Variants in CMSS1 observed in about 807,000 individuals in gnomAD.
The protein encoded by CMSS1 is cms1 ribosomal small subunit homolog.
In CMSS1, 33 loss-of-function variants were observed where a neutral mutation model predicts 43.5. The observed-to-expected ratio is 0.76, with a 90% confidence interval of 0.57 to 1.01. CMSS1 has a LOEUF of 1.01. CMSS1 is among the 50% of genes least tolerant of loss of function. CMSS1 has a pLI of 0.00. For missense variants in CMSS1, 313 were observed against 326.4 expected, an observed-to-expected ratio of 0.96 and a Z score of 0.32; for synonymous variants, 115 against 117.2, an observed-to-expected ratio of 0.98 and a Z score of 0.12.
chr3:99,822,603 G>A (rs1209661671), intron 1 of CMSS1, among the ~76,000 whole-genome samples: 4 of 152,112 alleles, frequency 2.6e-5, no homozygotes, highest in South Asian at 2.1e-4. Context: ...GTGGTGGCAC[G>A]CACCTGTAAT....
At chr3:100,078,593 AG>A (rs2065885246) in intron 1 of CMSS1, among the ~76,000 whole-genome samples, 1 of 151,668 alleles carries the variant, frequency 6.6e-6, no homozygotes, top group Non-Finnish European at 1.5e-5. Context: ...GATGAGGTAA[AG>A]AAAAAAAAAA....
chr3:100,123,893 G>T (rs775846676), intron 1 of CMSS1, among the ~76,000 whole-genome samples: 1 of 152,074 alleles, frequency 6.6e-6, no homozygotes, highest in African/African-American at 2.4e-5. Context: ...TTTGTTCCTG[G>T]TACAAATAAG....
intron 1 of CMSS1, among the ~76,000 whole-genome samples, chr3:99,880,686 TA>T: frequency 6.6e-6 from 1 of 152,184 alleles, no homozygotes; most frequent in South Asian, 2.1e-4. Flanking sequence ...AAAATTAATT[TA>T]AAATTTTTTT....
chr3:100,058,107 G>T (rs570064503), intron 1 of CMSS1, among the ~76,000 whole-genome samples: 2 of 152,276 alleles, frequency 1.3e-5, no homozygotes, highest in African/African-American at 4.8e-5. Flanking sequence ...ACTGGCTGGG[G>T]AAGTTACCTA....
chr3:100,103,888 TA>T (rs1466696822), intron 1 of CMSS1, among the ~76,000 whole-genome samples: 2 of 152,228 alleles, frequency 1.3e-5, no homozygotes, highest in African/African-American at 4.8e-5. Flanking sequence ...GATATTTATG[TA>T]AATATCAACC....
At chr3:100,000,920 G>A (rs751564078) in intron 1 of CMSS1, among the ~76,000 whole-genome samples, 37 of 152,174 alleles carry the variant, frequency 2.4e-4, no homozygotes, top group Non-Finnish European at 4.7e-4. Context: ...TTGACCTACG[G>A]CAAGACACTT....
chr3:100,095,074 C>G (rs1358988843), intron 1 of CMSS1, among the ~76,000 whole-genome samples: 2 of 152,182 alleles, frequency 1.3e-5, no homozygotes, highest in East Asian at 3.8e-4. Flanking sequence ...CACAGATTCT[C>G]TGTTCTTTTT....
At chr3:99,846,748 A>G (rs1396716371) in intron 1 of CMSS1, among the ~76,000 whole-genome samples, 1 of 152,248 alleles carries the variant, frequency 6.6e-6, no homozygotes, top group Admixed American at 6.5e-5. Context: ...AAAGGAGGAT[A>G]ATTGTGAAAG....
At chr3:99,950,486 T>G (rs1181995242) in intron 1 of CMSS1, among the ~76,000 whole-genome samples, 4 of 152,188 alleles carry the variant, frequency 2.6e-5, no homozygotes, top group African/African-American at 9.7e-5. Flanking sequence ...TTTTTTCACT[T>G]CTTTATATTA....
At chr3:99,964,111 G>A (rs1244565210) in intron 1 of CMSS1, among the ~76,000 whole-genome samples, 1 of 151,964 alleles carries the variant, frequency 6.6e-6, no homozygotes, top group African/African-American at 2.4e-5. Context: ...TCGTTCTGTG[G>A]TGCAGATTTA....
chr3:99,969,145 A>C (rs1218434525), intron 1 of CMSS1, among the ~76,000 whole-genome samples: 1 of 152,118 alleles, frequency 6.6e-6, no homozygotes, highest in Non-Finnish European at 1.5e-5. Flanking sequence ...CTTGACCTGG[A>C]GTAAGAATAC....
At chr3:100,092,361 C>T (rs1339094621) in intron 1 of CMSS1, among the ~76,000 whole-genome samples, 1 of 151,860 alleles carries the variant, frequency 6.6e-6, no homozygotes, top group South Asian at 2.1e-4. Context: ...GTCTGTTTAC[C>T]CCAAAGACAA....
chr3:99,884,433 G>A (rs1705828413), intron 1 of CMSS1, among the ~76,000 whole-genome samples: 1 of 152,160 alleles, frequency 6.6e-6, no homozygotes, highest in Admixed American at 6.5e-5. Context: ...ATTGATTTAA[G>A]TTTCATAGCT....
Position 99,960,556 on chromosome 3 carries a change from T to C in CMSS1, c.64+142513T>C, listed in dbSNP as rs929493819. Among the ~76,000 whole-genome samples the C allele has an allele frequency of 3.9e-5, 6 of 152,276 alleles. No homozygotes were observed. The East Asian group carries it at 1.2e-3, about 29-fold the overall frequency. On this transcript the variant is annotated intron_variant, in intron 1 of 9. Transcript: ENST00000421999. ...AATCTCCCTCCTCACCTCCTGTAGG[T>C]CTTGCCCAAATCATTCTTTAGCATC...
At chr3:100,012,585 G>A (rs1316216810) in intron 1 of CMSS1, among the ~76,000 whole-genome samples, 1 of 151,966 alleles carries the variant, frequency 6.6e-6, no homozygotes, top group East Asian at 1.9e-4. Context: ...TAGTGCTTCA[G>A]GAGGATTTCA....
rs2107536547 is a variant in CMSS1, at chr3:100,179,322, A to G, written c.*934A>G. The G allele has an allele frequency of 6.6e-6, 1 of 152,368 alleles. No homozygotes were observed. The highest frequency in any genetic ancestry group is 1.9e-4 in the East Asian group (1 of 5,190). The allele number at this position is 152,368 out of a possible 1,614,324, so 9.4% of individuals were successfully genotyped here. ...CCCCAAAGTCTTAACTCATTCCAGC[A>G]TTAACTGAAAAGTCCAACTCCAAAG... is the stretch of plus-strand genomic sequence containing the variant. On this transcript the variant is annotated 3_prime_UTR_variant, in exon 10 of 10. Transcript: ENST00000421999.
intron 2 of CMSS1, among the ~76,000 whole-genome samples, chr3:100,148,846 T>G (rs933974559): frequency 1.3e-5 from 2 of 151,926 alleles, no homozygotes; most frequent in African/African-American, 2.4e-5. Flanking sequence ...ATCATCTTGG[T>G]TTTTTTTCTC....
At chr3:99,953,004 G>C (rs11719468) in intron 1 of CMSS1, among the ~76,000 whole-genome samples, 74,947 of 151,946 alleles carry the variant, frequency 0.49, 18,891 homozygotes, top group East Asian at 0.69. Context: ...GGTCTCTGAA[G>C]GTGGATTTTC....
In CMSS1 at chr3:99,818,061, G is replaced by T. The variant is rs1185141496; in HGVS notation, c.64+18G>T. 5.0e-6 allele frequency: 8 copies of T among 1,610,722 alleles called. No homozygotes were observed. Among genetic ancestry groups the T allele is most frequent in the Non-Finnish European group, 6.8e-6 (8 of 1,178,090 alleles). ...CAGCCCAGGTACCCACTCTGTGCCC[G>T]CGCTCCTACGGGGCCTCTCCCGGAG... On this transcript the variant is annotated intron_variant, in intron 1 of 9. Transcript: ENST00000421999.
Sources: gnomAD v4.1 joint callset for allele counts (sites outside exome capture counted in the v4.1 genomes callset) on GRCh38, gnomAD v4.1.1 for gene constraint, MANE v1.5 for transcripts, NCBI Gene and HGNC (gene_info 2026-07-23, HGNC 2026-07-21) for gene names.